TNFRSF10A: variants seen among roughly 807,000 people sequenced by gnomAD.
TNFRSF10A encodes TNF receptor superfamily member 10a, also known as tumor necrosis factor receptor superfamily member 10A.
Under a neutral mutation model 42.8 loss-of-function variants are expected in TNFRSF10A, and 44 were observed. That is an observed-to-expected ratio of 1.03 (90% CI 0.81 to 1.32). The LOEUF (loss-of-function observed/expected upper bound fraction) is 1.32, where lower values mean the gene tolerates loss of function less well. TNFRSF10A is among the 40% of genes most tolerant of loss of function. TNFRSF10A has a pLI of 0.00. For synonymous variants in TNFRSF10A, 259 were observed against 234.2 expected (o/e 1.11, Z -0.97); for missense variants, 680 against 602.0 (o/e 1.13, Z -1.36).
Position 23,191,441 on chromosome 8 carries a change from T to C in TNFRSF10A, c.*253A>G, listed in dbSNP as rs1010410185. 3.8e-5 allele frequency: 22 copies of C among 575,188 alleles called. No homozygotes were observed. The highest frequency in any genetic ancestry group is 9.9e-5 in the Admixed American group (3 of 30,298). The allele number at this position is 575,188 out of a possible 1,614,324, so 35.6% of individuals were successfully genotyped here. On this transcript the variant is annotated 3_prime_UTR_variant, in exon 10 of 10. Transcript: ENST00000221132. ...AGCCTCCCGAGTAGCCGAGAATATA[T>C]GCACACACCATCACATCCAGTTAAT...
chr8:23,194,150 C>T (rs923582450), intron 9 of TNFRSF10A, among the ~76,000 whole-genome samples: 2 of 152,182 alleles, frequency 1.3e-5, no homozygotes, highest in Admixed American at 1.3e-4. Flanking sequence ...GTTTGTATTA[C>T]TGTCTCATGG....
At chr8:23,202,345 G>C (rs1378902303) in intron 3 of TNFRSF10A, among the ~76,000 whole-genome samples, 1 of 152,206 alleles carries the variant, frequency 6.6e-6, no homozygotes, top group Non-Finnish European at 1.5e-5. Context: ...CCCAGGGGGA[G>C]CGTGGCCCCA....
At chr8:23,222,709 T>C (rs1036448854) in intron 1 of TNFRSF10A, among the ~76,000 whole-genome samples, 1 of 152,186 alleles carries the variant, frequency 6.6e-6, no homozygotes, top group Non-Finnish European at 1.5e-5. Flanking sequence ...AACCGTAATG[T>C]AGCTGGTGGG....
intron 2 of TNFRSF10A, among the ~76,000 whole-genome samples, chr8:23,204,983 A>G (rs1189891516): frequency 2.0e-5 from 3 of 152,196 alleles, no homozygotes; most frequent in East Asian, 1.9e-4. Flanking sequence ...AAATATCTCA[A>G]TCTATAACCT....
At chr8:23,199,517 C>G in intron 7 of TNFRSF10A, 69 bp from the exon 8 acceptor site, 2 of 1,550,400 alleles carry the variant, frequency 1.3e-6, no homozygotes, top group Non-Finnish European at 1.8e-6. Context: ...TAGGGCACGG[C>G]TGGACCTGCT....
rs1352687724 is a variant in TNFRSF10A, at chr8:23,224,845, C to T, written c.217G>A (p.Ala73Thr). 2 of 1,565,728 alleles carry T rather than the reference C, an allele frequency of 1.3e-6. No individual in the cohort carries two copies. Among genetic ancestry groups the T allele is most frequent in the Non-Finnish European group, 1.7e-6 (2 of 1,155,436 alleles). The change falls in exon 1 of 10, where the codon GCC (alanine) becomes ACC (threonine). Residue 73 changes from alanine (A) to threonine (T), a missense_variant. Ala to Thr is a moderately conservative substitution (Grantham distance 58). Coordinates refer to ENST00000221132, the MANE Select transcript of TNFRSF10A (RefSeq NM_003844.4). ...TCCCGCGCCGGCCTGGGTCCTGGGG[C>T]GCGCCCTGCCCGGGCCCGGGCACTG... The part of the protein sequence containing the change: ...GPSARARAGR[A>T]PGPRPAREAS...
At chr8:23,197,065 G>A (rs1800831991) in intron 9 of TNFRSF10A, 67 bp downstream of exon 9, 1 of 1,603,796 alleles carries the variant, frequency 6.2e-7, no homozygotes. Flanking sequence ...CAGCAATGGG[G>A]ACACCAGTTA....
intron 1 of TNFRSF10A, among the ~76,000 whole-genome samples, chr8:23,224,261 C>CT (rs1801297810): frequency 1.5e-5 from 2 of 135,918 alleles, no homozygotes; most frequent in Non-Finnish European, 3.0e-5. Context: ...GATCGCGCCA[C>CT]TACACTCCAG....
intron 9 of TNFRSF10A, among the ~76,000 whole-genome samples, chr8:23,196,731 G>T (rs899138014): frequency 6.6e-6 from 1 of 152,164 alleles, no homozygotes; most frequent in African/African-American, 2.4e-5. Context: ...ATTCTTTCTT[G>T]CATTAAGTCT....
intron 6 of TNFRSF10A, 123 bp downstream of exon 6, chr8:23,200,382 G>C: frequency 2.8e-6 from 3 of 1,065,484 alleles, no homozygotes; most frequent in Non-Finnish European, 4.2e-6. Flanking sequence ...TGATCACAAG[G>C]AGGAAGATAG....
rs1300490312 is a variant in TNFRSF10A, at chr8:23,202,689, T to C, written c.476A>G (p.Asn159Ser). 2 of 1,613,986 alleles carry C rather than the reference T, an allele frequency of 1.2e-6. No individual in the cohort carries two copies. The highest frequency in any genetic ancestry group is 1.7e-6 in the Non-Finnish European group (2 of 1,179,956). ...ACATGGGAGGCAAGCAAACAAATTG[T>C]TGGAAGCATTGGTGTAACCCACACC... The part of the protein sequence containing the change: ...TEGVGYTNAS[N>S]NLFACLPCTA... The change falls in exon 3 of 10, where the codon AAC (asparagine) becomes AGC (serine). Residue 159 changes from asparagine (N) to serine (S), a missense_variant. By Grantham distance (46) the Asn-to-Ser change is conservative. Transcript: ENST00000221132.
intron 1 of TNFRSF10A, among the ~76,000 whole-genome samples, chr8:23,218,170 G>A (rs1024620185): frequency 6.6e-6 from 1 of 151,910 alleles, no homozygotes; most frequent in Non-Finnish European, 1.5e-5. Context: ...GTGTGTGAGA[G>A]AGAGAGAGGG....
chr8:23,218,902 A>G (rs533310996), intron 1 of TNFRSF10A, among the ~76,000 whole-genome samples: 1 of 152,354 alleles, frequency 6.6e-6, no homozygotes, highest in South Asian at 2.1e-4. Flanking sequence ...ATGAAGTGCT[A>G]AGAACAGAGC....
intron 1 of TNFRSF10A, among the ~76,000 whole-genome samples, chr8:23,219,441 G>C (rs1185082464): frequency 1.4e-5 from 2 of 147,288 alleles, no homozygotes; most frequent in Non-Finnish European, 3.0e-5. Context: ...CAGAGATGTG[G>C]AGAAGCAGCT....
intron 1 of TNFRSF10A, 84 bp from the exon 2 acceptor site, chr8:23,212,296 G>T: frequency 8.2e-7 from 1 of 1,212,680 alleles, no homozygotes; most frequent in Non-Finnish European, 1.2e-6. Context: ...ATTCCCCCAA[G>T]CCTCCAAAAT....
In TNFRSF10A at chr8:23,225,042, C is replaced by G; in HGVS notation, c.20G>C (p.Arg7Thr). 6.5e-7 allele frequency: 1 copy of G among 1,541,892 alleles called. No individual in the cohort carries two copies. Among genetic ancestry groups the G allele is most frequent in the Non-Finnish European group, 8.7e-7 (1 of 1,143,122 alleles). The change falls in exon 1 of 10, where the codon AGA becomes ACA. Residue 7 changes from arginine to threonine, a missense_variant. Coordinates refer to ENST00000221132, the MANE Select transcript of TNFRSF10A (RefSeq NM_003844.4). Reference sequence around the variant, plus strand: ...TGCCAGGAACGCACCTAGATGTACTCTAGCTGGTGGTGGCGCCATCCTGCC... The same window carrying G: ...TGCCAGGAACGCACCTAGATGTACTGTAGCTGGTGGTGGCGCCATCCTGCC... MAPPPA[R>T]VHLGAFLAVT...
chr8:23,219,623 C>T (rs1272032769), intron 1 of TNFRSF10A, among the ~76,000 whole-genome samples: 2 of 152,224 alleles, frequency 1.3e-5, no homozygotes, highest in African/African-American at 4.8e-5. Flanking sequence ...CAAAGATCTC[C>T]TCCCCACAGA....
At chr8:23,224,734 C>T in intron 1 of TNFRSF10A, 22 bp downstream of exon 1, 1 of 1,553,460 alleles carries the variant, frequency 6.4e-7, no homozygotes, top group Non-Finnish European at 8.7e-7. Context: ...TTTCCCCAGG[C>T]AGGACCGCGG....
intron 1 of TNFRSF10A, among the ~76,000 whole-genome samples, chr8:23,217,317 G>A (rs1801198416): frequency 1.3e-5 from 2 of 152,066 alleles, no homozygotes; most frequent in Admixed American, 1.3e-4. Flanking sequence ...CCTGGTTCAA[G>A]TGATTCTCCT....
Sources: allele counts gnomAD v4.1 joint callset (sites outside exome capture counted in the v4.1 genomes callset), GRCh38; gene constraint gnomAD v4.1.1; transcripts MANE v1.5; gene names NCBI Gene and HGNC (gene_info 2026-07-23, HGNC 2026-07-21).